The following CSMD3 variants were observed in gnomAD, a reference collection of about 807,000 sequenced individuals.
CSMD3 encodes CUB and sushi domain-containing protein 3.
CSMD3 carries 177 observed loss-of-function variants against 435.2 expected under a neutral mutation model. The ratio of observed to expected loss-of-function variants is 0.41; its 90% CI spans 0.36 to 0.46. The LOEUF is 0.46. CSMD3 is among the 20% of genes least tolerant of loss of function. The pLI, the probability that CSMD3 is intolerant of heterozygous loss-of-function variation, is 0.34. For missense variants in CSMD3, 4,265 were observed against 4,504.6 expected (o/e 0.95, Z 1.52); for synonymous variants, 1,656 against 1,520.5 (o/e 1.09, Z -2.07).
At chr8:112,457,645 T>C (rs992942226) in intron 32 of CSMD3, among the ~76,000 whole-genome samples, 1 of 152,046 alleles carries the variant, frequency 6.6e-6, no homozygotes, top group Non-Finnish European at 1.5e-5. Context: ...TTGAGGAATT[T>C]AGGAGCAGGG....
At chr8:113,381,490 G>A (rs957026498) in intron 1 of CSMD3, among the ~76,000 whole-genome samples, 1 of 152,152 alleles carries the variant, frequency 6.6e-6, no homozygotes, top group East Asian at 1.9e-4. Flanking sequence ...CAAATGCAAG[G>A]CTCCAAAGCT....
At chr8:112,663,001 C>T (rs528403619) in intron 17 of CSMD3, among the ~76,000 whole-genome samples, 7 of 152,036 alleles carry the variant, frequency 4.6e-5, no homozygotes, top group East Asian at 1.9e-4. Flanking sequence ...GTTAGAATGG[C>T]GATCATTAAA....
At chr8:112,380,738 T>C (rs1478218669) in intron 37 of CSMD3, among the ~76,000 whole-genome samples, 1 of 152,172 alleles carries the variant, frequency 6.6e-6, no homozygotes, top group Non-Finnish European at 1.5e-5. Context: ...GTTTGACATG[T>C]TCACCAAAAA....
intron 16 of CSMD3, among the ~76,000 whole-genome samples, chr8:112,673,315 C>A (rs1206719651): frequency 5.3e-5 from 8 of 151,530 alleles, no homozygotes; most frequent in Non-Finnish European, 1.2e-4. Flanking sequence ...AAGAGAAAGA[C>A]AGAAACATGG....
At chr8:113,171,995 CTCTTA>C (rs2092276351) in intron 4 of CSMD3, among the ~76,000 whole-genome samples, 9 of 152,152 alleles carry the variant, frequency 5.9e-5, no homozygotes. Context: ...CATGGTTCAT[CTCTTA>C]TAATACCATT....
intron 53 of CSMD3, 125 bp from the exon 54 acceptor site, chr8:112,296,131 A>G: frequency 1.3e-6 from 1 of 749,828 alleles, no homozygotes; most frequent in Non-Finnish European, 2.3e-6. Flanking sequence ...TAATTCAATT[A>G]TAACTATATG....
At chr8:112,724,865 T>A (rs2076931760) in intron 13 of CSMD3, among the ~76,000 whole-genome samples, 1 of 151,952 alleles carries the variant, frequency 6.6e-6, no homozygotes, top group Non-Finnish European at 1.5e-5. Context: ...ATAAAAGTAA[T>A]GAGGAAAACT....
At chr8:113,160,169 T>C (rs1424163936) in intron 4 of CSMD3, among the ~76,000 whole-genome samples, 3 of 152,012 alleles carry the variant, frequency 2.0e-5, no homozygotes, top group Non-Finnish European at 4.4e-5. Flanking sequence ...TGATTGTTTA[T>C]ATGTATGTAT....
intron 30 of CSMD3, among the ~76,000 whole-genome samples, chr8:112,497,877 A>C (rs1821525545): frequency 6.6e-6 from 1 of 152,046 alleles, no homozygotes; most frequent in African/African-American, 2.4e-5. Flanking sequence ...ATTTTCCCAT[A>C]AACAGCGGGG....
chr8:112,375,056 C>G (rs1828815182), intron 38 of CSMD3, among the ~76,000 whole-genome samples: 1 of 152,140 alleles, frequency 6.6e-6, no homozygotes, highest in South Asian at 2.1e-4. Context: ...GCACATAAAA[C>G]ACACCAATGT....
intron 5 of CSMD3, among the ~76,000 whole-genome samples, chr8:113,086,093 C>A (rs74500619): frequency 0.55 from 83,782 of 151,332 alleles, 25,188 homozygotes; most frequent in East Asian, 0.88. Flanking sequence ...CACACACACA[C>A]AAAAATTAGC....
chr8:112,826,090 T>C (rs891400461), intron 12 of CSMD3, among the ~76,000 whole-genome samples: 1 of 152,044 alleles, frequency 6.6e-6, no homozygotes, highest in Non-Finnish European at 1.5e-5. Context: ...ATGGGTCAGG[T>C]TCAGGTCTGA....
rs115095100 is a variant in CSMD3, at chr8:112,245,131, C to A, written c.10223-558G>T. The stretch of plus-strand genomic sequence containing the variant: ...AAAGTACATTTTAATAATTTTTTTA[C>A]ATATGGAATTTTCAGGCCATATTTG... On this transcript the variant is annotated intron_variant, in intron 64 of 70. Coordinates refer to ENST00000297405, the MANE Select transcript of CSMD3 (RefSeq NM_198123.2). Among the ~76,000 whole-genome samples the A allele has an allele frequency of 9.3e-3, 1,408 of 152,000 alleles. 27 individuals carry two copies. The highest frequency in any genetic ancestry group is 0.033 in the African/African-American group (1,351 of 41,484).
chr8:112,736,828 T>G (rs2077195239), intron 13 of CSMD3, among the ~76,000 whole-genome samples: 1 of 151,970 alleles, frequency 6.6e-6, no homozygotes, highest in Admixed American at 6.6e-5. Context: ...AATATATTTT[T>G]CTTAGGGAAC....
chr8:112,522,549 T>G (rs1028732439), intron 27 of CSMD3, among the ~76,000 whole-genome samples: 1 of 151,906 alleles, frequency 6.6e-6, no homozygotes, highest in African/African-American at 2.4e-5. Context: ...CTTCTTATTA[T>G]AGTTAAAAAC....
intron 6 of CSMD3, among the ~76,000 whole-genome samples, chr8:113,006,884 A>T (rs1438736463): frequency 2.6e-5 from 4 of 151,934 alleles, no homozygotes; most frequent in African/African-American, 9.7e-5. Flanking sequence ...TCAATCACTT[A>T]AAAGGCCCTG....
At chr8:113,417,887 G>A (rs1165407451) in intron 1 of CSMD3, among the ~76,000 whole-genome samples, 2 of 151,818 alleles carry the variant, frequency 1.3e-5, no homozygotes, top group Non-Finnish European at 2.9e-5. Flanking sequence ...TGTATTATAA[G>A]AAAAGATTAC....
intron 1 of CSMD3, among the ~76,000 whole-genome samples, chr8:113,357,593 G>C (rs1282719676): frequency 3.3e-5 from 5 of 152,164 alleles, no homozygotes; most frequent in African/African-American, 1.2e-4. Context: ...AACATTGATT[G>C]TTTTATATAT....
chr8:113,149,847 T>C (rs2091764939), intron 4 of CSMD3, among the ~76,000 whole-genome samples: 1 of 151,986 alleles, frequency 6.6e-6, no homozygotes, highest in Non-Finnish European at 1.5e-5. Flanking sequence ...AGCAAATGCA[T>C]GCCATCAATA....
Sources: gnomAD v4.1 joint callset for allele counts (sites outside exome capture counted in the v4.1 genomes callset) on GRCh38, gnomAD v4.1.1 for gene constraint, MANE v1.5 for transcripts, NCBI Gene and HGNC (gene_info 2026-07-23, HGNC 2026-07-21) for gene names.